The following AXIN2 variants were observed in gnomAD, a reference collection of about 807,000 sequenced individuals.
AXIN2 encodes axin 2, also known as axin-2.
AXIN2 carries 21 observed loss-of-function variants against 74.7 expected under a neutral mutation model. The observed-to-expected ratio is 0.28, with a 90% CI of 0.20 to 0.40. The LOEUF is 0.40. Ranked by LOEUF, AXIN2 falls within the 10% of genes least tolerant of loss-of-function variation. The pLI, the probability that AXIN2 is intolerant of heterozygous loss-of-function variation, is 1.00. For missense variants in AXIN2, 1,144 were observed against 1,111.1 expected, an observed-to-expected ratio of 1.03 and a Z score of -0.42; for synonymous variants, 532 against 454.9, an observed-to-expected ratio of 1.17 and a Z score of -2.16.
intron 6 of AXIN2, 41 bp downstream of exon 6, chr17:65,537,283 A>T: frequency 6.2e-7 from 1 of 1,612,478 alleles, no homozygotes; most frequent in Non-Finnish European, 8.5e-7. Context: ...TGGCTGGGAG[A>T]CAAGCCCCAC....
chr17:65,532,622 G>A (rs987459786), intron 10 of AXIN2, among the ~76,000 whole-genome samples: 2 of 152,182 alleles, frequency 1.3e-5, no homozygotes, highest in South Asian at 2.1e-4. Flanking sequence ...CTAACTCCCA[G>A]ATGAAGGTGG....
chr17:65,551,266 C>G (rs1489498780), intron 2 of AXIN2, among the ~76,000 whole-genome samples: 1 of 149,624 alleles, frequency 6.7e-6, no homozygotes, highest in Non-Finnish European at 1.5e-5. Context: ...CATGGTTGAG[C>G]AGGAATTTGA....
intron 2 of AXIN2, among the ~76,000 whole-genome samples, chr17:65,553,311 T>C (rs562826674): frequency 6.6e-6 from 1 of 152,306 alleles, no homozygotes; most frequent in East Asian, 1.9e-4. Flanking sequence ...GGAAAAGTTT[T>C]TTAGTTTAAC....
chr17:65,553,935 G>A (rs2044230651), intron 2 of AXIN2, among the ~76,000 whole-genome samples: 1 of 151,594 alleles, frequency 6.6e-6, no homozygotes, highest in Non-Finnish European at 1.5e-5. Context: ...TCCAGTTGCT[G>A]CAAGGATTTT....
In AXIN2 at chr17:65,537,075, C is replaced by G. The variant is rs1247563219; in HGVS notation, c.1713-12G>C. On this transcript the variant is annotated splice_polypyrimidine_tract_variant and intron_variant, in intron 6 of 10. Coordinates refer to ENST00000307078, the MANE Select transcript of AXIN2 (RefSeq NM_004655.4). Reference sequence around the variant, plus strand: ...TGCCTCTGCTGCCGCTGTGGGGAACCAAGAACCACACCCAACCCAGAGACC... The same window carrying G: ...TGCCTCTGCTGCCGCTGTGGGGAACGAAGAACCACACCCAACCCAGAGACC... The G allele has an allele frequency of 6.3e-7, 1 of 1,599,632 alleles. No homozygotes were observed. Among genetic ancestry groups the G allele is most frequent in the Non-Finnish European group, 8.5e-7 (1 of 1,178,032 alleles).
At position 65,528,936 on chromosome 17, in the gene AXIN2, C is replaced by T. The variant is rs2043772022; in HGVS notation, c.*1040G>A. ...AAGTAACAATGGCAAACAGAATGTA[C>T]AGATTAACTTAACACAAAAACCCGA... is the stretch of plus-strand genomic sequence containing the variant. On this transcript the variant is annotated 3_prime_UTR_variant, in exon 11 of 11. Coordinates refer to ENST00000307078, the MANE Select transcript of AXIN2 (RefSeq NM_004655.4). 1.4e-5 allele frequency: 4 copies of T among 294,074 alleles called. No homozygotes were observed. In the East Asian group the frequency reaches 2.3e-4, roughly 17 times the overall value. The allele number at this position is 294,074 out of a possible 1,614,324, so 18.2% of individuals were successfully genotyped here.
chr17:65,557,215 A>G (rs2044279378), intron 2 of AXIN2, among the ~76,000 whole-genome samples: 1 of 152,180 alleles, frequency 6.6e-6, no homozygotes. Context: ...TGGGAAAGTC[A>G]CAGGACCTTC....
intron 7 of AXIN2, 112 bp from the exon 8 acceptor site, chr17:65,536,665 A>G: frequency 7.0e-7 from 1 of 1,435,498 alleles, no homozygotes; most frequent in Admixed American, 1.8e-5. Flanking sequence ...GAGAGTTAAA[A>G]AAAAAACTAC....
chr17:65,536,092 A>G (rs1352549816), intron 8 of AXIN2, among the ~76,000 whole-genome samples: 2 of 152,246 alleles, frequency 1.3e-5, no homozygotes, highest in East Asian at 1.9e-4. Flanking sequence ...AATTCTAGGC[A>G]TGACTTGCCT....
At chr17:65,541,626 G>A (rs547643063) in intron 3 of AXIN2, 69 bp from the exon 4 acceptor site, 12 of 1,280,764 alleles carry the variant, frequency 9.4e-6, no homozygotes, top group Non-Finnish European at 1.4e-5. Context: ...ATGGGCTACT[G>A]TCATATGCCA....
intron 8 of AXIN2, 46 bp downstream of exon 8, chr17:65,536,274 C>T: frequency 6.4e-7 from 1 of 1,554,168 alleles, no homozygotes; most frequent in South Asian, 1.2e-5. Flanking sequence ...GGTCTCCACC[C>T]AAACCCAATC....
At chr17:65,561,409 T>G (rs1449436882) in intron 1 of AXIN2, 41 bp downstream of exon 1, 1 of 148,540 alleles carries the variant, frequency 6.7e-6, no homozygotes, top group East Asian at 2.0e-4. Context: ...AGGGGGGCTT[T>G]CTTTGAAGCG....
chr17:65,554,009 T>C (rs2044231667), intron 2 of AXIN2, among the ~76,000 whole-genome samples: 1 of 152,184 alleles, frequency 6.6e-6, no homozygotes, highest in African/African-American at 2.4e-5. Flanking sequence ...TCCACAGACC[T>C]GGTTTGCAAC....
At chr17:65,533,061 C>T (rs781270082) in intron 10 of AXIN2, among the ~76,000 whole-genome samples, 5 of 152,182 alleles carry the variant, frequency 3.3e-5, no homozygotes, top group East Asian at 1.9e-4. Context: ...CTGCTCCTTA[C>T]GAGGGAAATG....
At chr17:65,536,710 C>T in intron 7 of AXIN2, 157 bp from the exon 8 acceptor site, 1 of 1,396,510 alleles carries the variant, frequency 7.2e-7, no homozygotes, top group Non-Finnish European at 1.0e-6. Flanking sequence ...CAAAACATGA[C>T]ATTTTTGTGG....
chr17:65,536,508 C>T lies in AXIN2; in HGVS notation c.1953G>A (p.Ser651=), dbSNP rs372086777. Residue 651 remains serine (S), a synonymous_variant, in exon 8 of 11, where the codon TCG becomes TCA. Transcript: ENST00000307078. ...KKAYPLESAR[S]SPGERASRHH... ...GCCGGCTGGCTCGTTCGCCTGGAGA[C>T]GAGCGGGCAGACTCCAAGGGGTAGG... 4 of 1,613,828 alleles carry T rather than the reference C, an allele frequency of 2.5e-6. No individual in the cohort carries two copies. In the African/African-American group the frequency reaches 4.0e-5, roughly 16 times the overall value.
chr17:65,541,062 T>C (rs556588265), intron 4 of AXIN2, among the ~76,000 whole-genome samples: 4 of 152,188 alleles, frequency 2.6e-5, no homozygotes, highest in African/African-American at 9.6e-5. Context: ...TTTTTAGTAG[T>C]GGTGGGGCTT....
At chr17:65,544,501 G>C (rs1203368833) in intron 3 of AXIN2, among the ~76,000 whole-genome samples, 2 of 151,892 alleles carry the variant, frequency 1.3e-5, no homozygotes, top group Non-Finnish European at 2.9e-5. Context: ...GCTCAGAAAG[G>C]CTTAACAGGC....
In AXIN2 at chr17:65,530,152, T is replaced by C. The variant is rs763494637; in HGVS notation, c.2406-50A>G. Reference sequence around the variant, plus strand: ...TCTTGGTAAACTGCATTTTCCACATTGTTGAAAAGAAAAGCATACCAACAT... The same window carrying C: ...TCTTGGTAAACTGCATTTTCCACATCGTTGAAAAGAAAAGCATACCAACAT... On this transcript the variant is annotated intron_variant, in intron 10 of 10. Coordinates refer to ENST00000307078, the MANE Select transcript of AXIN2 (RefSeq NM_004655.4). The C allele has an allele frequency of 5.0e-6, 8 of 1,610,790 alleles. No homozygotes were observed. In the African/African-American group the frequency reaches 6.7e-5, roughly 13 times the overall value.
Sources: gnomAD v4.1 joint callset for allele counts (sites outside exome capture counted in the v4.1 genomes callset) on GRCh38, gnomAD v4.1.1 for gene constraint, MANE v1.5 for transcripts, NCBI Gene and HGNC (gene_info 2026-07-23, HGNC 2026-07-21) for gene names.